Variants in SCHIP1 observed in about 807,000 individuals in gnomAD.
The protein encoded by SCHIP1 is schwannomin-interacting protein 1.
In SCHIP1, 8 loss-of-function variants were observed where a neutral mutation model predicts 29.7. The observed-to-expected ratio is 0.27, with a 90% confidence interval of 0.16 to 0.49. SCHIP1 has a LOEUF of 0.49. Ranked by LOEUF, SCHIP1 falls within the 20% of genes least tolerant of loss-of-function variation. SCHIP1 has a pLI of 0.99. For synonymous variants in SCHIP1, 76 were observed against 94.9 expected, an observed-to-expected ratio of 0.80 and a Z score of 1.16; for missense variants, 193 against 294.6, an observed-to-expected ratio of 0.66 and a Z score of 2.52.
At chr3:159,693,102 G>A in the SCHIP1 span, among the ~76,000 whole-genome samples, 1,559 of 152,226 alleles carry the variant, frequency 0.01, 23 homozygotes, top group African/African-American at 0.036. Flanking sequence ...TCAAAATTAA[G>A]AGTGCTCTAC....
At chr3:159,549,864 C>T in the SCHIP1 span, among the ~76,000 whole-genome samples, 1 of 152,122 alleles carries the variant, frequency 6.6e-6, no homozygotes, top group African/African-American at 2.4e-5. Context: ...TCTCCAACTT[C>T]AGGTTGTTGC....
At chr3:159,712,213 T>A in the SCHIP1 span, among the ~76,000 whole-genome samples, 1 of 152,120 alleles carries the variant, frequency 6.6e-6, no homozygotes, top group Non-Finnish European at 1.5e-5. Flanking sequence ...CTAAATCACA[T>A]CTGACTGCCC....
the SCHIP1 span, among the ~76,000 whole-genome samples, chr3:159,461,646 G>A: frequency 6.6e-6 from 1 of 150,790 alleles, no homozygotes; most frequent in Non-Finnish European, 1.5e-5. Flanking sequence ...TGCAATCTTG[G>A]CTCACTGCAA....
chr3:159,843,105 T>G (rs1459736703), intron 1 of SCHIP1, among the ~76,000 whole-genome samples: 3 of 144,608 alleles, frequency 2.1e-5, no homozygotes, highest in Non-Finnish European at 4.5e-5. Context: ...ACTCAGCTGC[T>G]GAGTTCAAGC....
chr3:159,822,788 G>A, the SCHIP1 span, among the ~76,000 whole-genome samples: 1 of 151,692 alleles, frequency 6.6e-6, no homozygotes, highest in African/African-American at 2.4e-5. Context: ...GGGCTAACTG[G>A]TGTTGGTATC....
the SCHIP1 span, among the ~76,000 whole-genome samples, chr3:159,696,875 A>T: frequency 6.6e-6 from 1 of 152,240 alleles, no homozygotes; most frequent in Non-Finnish European, 1.5e-5. Context: ...GGTAACTGAA[A>T]TAAGTTCATT....
At chr3:159,831,766 A>G in the SCHIP1 span, among the ~76,000 whole-genome samples, 27 of 152,324 alleles carry the variant, frequency 1.8e-4, no homozygotes, top group African/African-American at 5.8e-4. Flanking sequence ...ACGAGGGTTC[A>G]TCAGAAGAAT....
At chr3:159,551,498 G>A in the SCHIP1 span, among the ~76,000 whole-genome samples, 1 of 152,030 alleles carries the variant, frequency 6.6e-6, no homozygotes, top group East Asian at 1.9e-4. Flanking sequence ...TGATTATAAA[G>A]GAAAAACAGA....
At chr3:159,632,153 G>T in the SCHIP1 span, among the ~76,000 whole-genome samples, 1 of 152,148 alleles carries the variant, frequency 6.6e-6, no homozygotes, top group Non-Finnish European at 1.5e-5. Flanking sequence ...CTCGTTTGAG[G>T]ACTAGAAAAA....
At chr3:159,717,066 A>G in the SCHIP1 span, among the ~76,000 whole-genome samples, 17 of 152,302 alleles carry the variant, frequency 1.1e-4, no homozygotes, top group South Asian at 6.2e-4. Context: ...TCAAACTAGA[A>G]CTCAGGATTA....
chr3:159,653,533 A>G, the SCHIP1 span, among the ~76,000 whole-genome samples: 2 of 150,914 alleles, frequency 1.3e-5, no homozygotes, highest in South Asian at 4.3e-4. Context: ...TGGGAGTTGA[A>G]CAATGAGAAC....
the SCHIP1 span, among the ~76,000 whole-genome samples, chr3:159,689,637 G>A: frequency 3.3e-5 from 5 of 152,172 alleles, no homozygotes; most frequent in African/African-American, 4.8e-5. Context: ...ATGCTGTGTT[G>A]AATAGGAGTG....
rs145093207 is a variant in SCHIP1 at position 159,853,743 on chromosome 3, G to C, written c.31-12420G>C. 3.8e-3 allele frequency among the ~76,000 whole-genome samples: 580 copies of C among 152,292 alleles called. 2 individuals carry two copies. Among genetic ancestry groups the C allele is most frequent in the African/African-American group, 0.013 (549 of 41,570 alleles). Reference sequence around the variant, plus strand: ...TTTAACTGCTAGGCAGGCTTTTTATGTGAAGGAATTTTTTAAAAATTATTG... The same window carrying C: ...TTTAACTGCTAGGCAGGCTTTTTATCTGAAGGAATTTTTTAAAAATTATTG... On this transcript the variant is annotated intron_variant, in intron 1 of 6. Transcript: ENST00000445224.
At chr3:159,842,570 A>T (rs1744318205) in intron 1 of SCHIP1, among the ~76,000 whole-genome samples, 1 of 152,110 alleles carries the variant, frequency 6.6e-6, no homozygotes, top group East Asian at 1.9e-4. Flanking sequence ...TCCAAGTCCT[A>T]ACAGGGCTTT....
chr3:159,400,679 A>G, the SCHIP1 span, among the ~76,000 whole-genome samples: 4,114 of 152,284 alleles, frequency 0.027, 74 homozygotes, highest in East Asian at 0.11. Context: ...AGGTTCCTCC[A>G]GCCTCTGAAT....
chr3:159,776,332 C>CTTTTTTT, the SCHIP1 span, among the ~76,000 whole-genome samples: 2 of 135,446 alleles, frequency 1.5e-5, no homozygotes, highest in African/African-American at 5.7e-5. Flanking sequence ...AGTGTTCTGT[C>CTTTTTTT]TTTTTTTTTT....
chr3:159,443,546 G>A, the SCHIP1 span, among the ~76,000 whole-genome samples: 1 of 151,908 alleles, frequency 6.6e-6, no homozygotes, highest in Non-Finnish European at 1.5e-5. Flanking sequence ...GTCTTGCTCT[G>A]TCACCAGGCT....
chr3:159,333,498 C>T, the SCHIP1 span, among the ~76,000 whole-genome samples: 1 of 145,264 alleles, frequency 6.9e-6, no homozygotes, highest in Admixed American at 7.0e-5. Context: ...AGCAATTTCA[C>T]ACACATACAC....
chr3:159,626,845 C>T, the SCHIP1 span, among the ~76,000 whole-genome samples: 7,710 of 152,160 alleles, frequency 0.051, 456 homozygotes, highest in East Asian at 0.17. Flanking sequence ...CTAGACAAAA[C>T]AGTATTATAT....
Sources: allele counts gnomAD v4.1 joint callset (sites outside exome capture counted in the v4.1 genomes callset), GRCh38; gene constraint gnomAD v4.1.1; transcripts MANE v1.5; gene names NCBI Gene and HGNC (gene_info 2026-07-23, HGNC 2026-07-21).